Variants in ENTPD1 observed in about 807,000 individuals in gnomAD.
The protein encoded by ENTPD1 is ectonucleoside triphosphate diphosphohydrolase 1, also known as ATP diphosphohydrolase.
A neutral mutation model predicts 57.0 loss-of-function variants in ENTPD1; 33 were observed. That is an observed-to-expected ratio of 0.58 (90% confidence interval 0.44 to 0.77). ENTPD1 has a LOEUF of 0.77. Among genes scored for constraint, ENTPD1 ranks in the 30% least tolerant of loss-of-function variants. The pLI, the probability that ENTPD1 is intolerant of heterozygous loss-of-function variation, is 0.00. For missense variants in ENTPD1, 501 were observed against 603.4 expected (o/e 0.83, Z 1.78); for synonymous variants, 202 against 218.8 (o/e 0.92, Z 0.68).
chr10:95,765,215 T>G (rs1464298567), intron 1 of ENTPD1, among the ~76,000 whole-genome samples: 1 of 152,224 alleles, frequency 6.6e-6, no homozygotes, highest in East Asian at 1.9e-4. Flanking sequence ...AATCTATAGT[T>G]TCTTTGGTTC....
upstream of ENTPD1, chr10:95,753,647 G>A (rs1287775348): frequency 2.0e-5 from 3 of 152,144 alleles, no homozygotes; most frequent in Admixed American, 2.0e-4. Flanking sequence ...ACCTTTTGTC[G>A]ACAACGTCTG....
chr10:95,752,822 C>T (rs1394243040), upstream of ENTPD1, among the ~76,000 whole-genome samples: 1 of 152,142 alleles, frequency 6.6e-6, no homozygotes, highest in Non-Finnish European at 1.5e-5. Flanking sequence ...TGAGCCAATG[C>T]ACCTGGCCCA....
chr10:95,780,331 T>C (rs1162123204), intron 1 of ENTPD1, among the ~76,000 whole-genome samples: 2 of 152,124 alleles, frequency 1.3e-5, no homozygotes, highest in African/African-American at 2.4e-5. Context: ...TAAATATGAA[T>C]CTTATGTATA....
upstream of ENTPD1, among the ~76,000 whole-genome samples, chr10:95,752,653 G>A (rs768489971): frequency 5.3e-5 from 8 of 151,990 alleles, no homozygotes; most frequent in South Asian, 2.1e-4. Flanking sequence ...CAATAAGAGC[G>A]AAACTCTGTC....
At chr10:95,808,152 C>G (rs879249364) in intron 1 of ENTPD1, among the ~76,000 whole-genome samples, 1 of 152,044 alleles carries the variant, frequency 6.6e-6, no homozygotes, top group African/African-American at 2.4e-5. Context: ...TATAGAAATC[C>G]TTTTCTGTGT....
intron 1 of ENTPD1, among the ~76,000 whole-genome samples, chr10:95,781,528 C>T (rs2098158140): frequency 6.6e-6 from 1 of 151,998 alleles, no homozygotes; most frequent in Admixed American, 6.6e-5. Flanking sequence ...CATTGCATGC[C>T]TGTAACAAAA....
chr10:95,812,015 A>C (rs1249760889), intron 1 of ENTPD1, among the ~76,000 whole-genome samples: 1 of 152,204 alleles, frequency 6.6e-6, no homozygotes, highest in East Asian at 1.9e-4. Flanking sequence ...TCCCCATCAA[A>C]GAGGTTCTAC....
At chr10:95,742,673 T>C (rs200731778) in intron 1 of ENTPD1, among the ~76,000 whole-genome samples, 2 of 152,214 alleles carry the variant, frequency 1.3e-5, no homozygotes, top group East Asian at 3.8e-4. Context: ...GAGTTAACTT[T>C]GCTTTGCTGG....
At chr10:95,828,859 C>T (rs1048299477) in intron 2 of ENTPD1, among the ~76,000 whole-genome samples, 3 of 152,010 alleles carry the variant, frequency 2.0e-5, no homozygotes, top group African/African-American at 4.8e-5. Context: ...TATAGGCACA[C>T]GCCACCACAC....
At chr10:95,814,704 T>A (rs2098323823) in intron 1 of ENTPD1, among the ~76,000 whole-genome samples, 1 of 152,186 alleles carries the variant, frequency 6.6e-6, no homozygotes, top group Non-Finnish European at 1.5e-5. Flanking sequence ...GAACCGAGAA[T>A]AATTGGCTAA....
chr10:95,848,054 C>A (rs1227815238), intron 7 of ENTPD1, among the ~76,000 whole-genome samples: 7 of 152,146 alleles, frequency 4.6e-5, no homozygotes, highest in Non-Finnish European at 5.9e-5. Context: ...AAGAGGTTAG[C>A]CCCAGCAGTG....
At chr10:95,714,658 A>G (rs2097969505) in intron 1 of ENTPD1, among the ~76,000 whole-genome samples, 1 of 152,256 alleles carries the variant, frequency 6.6e-6, no homozygotes, top group Non-Finnish European at 1.5e-5. Flanking sequence ...AAATAAGTTT[A>G]CAACCTCTTA....
At chr10:95,798,673 G>A (rs1201482544) in intron 1 of ENTPD1, among the ~76,000 whole-genome samples, 1 of 152,142 alleles carries the variant, frequency 6.6e-6, no homozygotes, top group African/African-American at 2.4e-5. Context: ...GTTCCCCAGA[G>A]TCTTTGGGTT....
chr10:95,859,303 A>G (rs543366484), intron 7 of ENTPD1, among the ~76,000 whole-genome samples: 1 of 152,256 alleles, frequency 6.6e-6, no homozygotes, highest in East Asian at 1.9e-4. Context: ...GATCTCTGCT[A>G]CCTCCTGTTT....
chr10:95,812,205 A>G (rs916110362), intron 1 of ENTPD1, among the ~76,000 whole-genome samples: 1 of 152,226 alleles, frequency 6.6e-6, no homozygotes, highest in Non-Finnish European at 1.5e-5. Flanking sequence ...GAATATTTCT[A>G]TTATTTCCAA....
rs998494796 is a variant in ENTPD1, at chr10:95,872,281, T to C, written c.*5898T>C. The C allele has an allele frequency of 2.0e-6, 2 of 985,248 alleles. No individual in the cohort carries two copies. Among genetic ancestry groups the C allele is most frequent in the African/African-American group, 1.7e-5 (1 of 57,214 alleles). 61.0% of individuals were successfully genotyped at this position (985,248 alleles called of 1,614,324 possible). A position where few individuals can be genotyped will look rare whatever the true frequency, so the allele number is the denominator to read the frequency against. ...GCTTTCCATTGCCTACAAAATAAAG[T>C]CAACCTCCCCATCAGACATTCAAGG... On this transcript the variant is annotated 3_prime_UTR_variant, in exon 10 of 10. Transcript: ENST00000371205.
At chr10:95,840,688 A>T (rs116476488) in intron 3 of ENTPD1, among the ~76,000 whole-genome samples, 5,687 of 152,106 alleles carry the variant, frequency 0.037, 132 homozygotes, top group Non-Finnish European at 0.049. Flanking sequence ...TATATCAATA[A>T]TTTTTTTCTT....
chr10:95,869,954 G>A lies in ENTPD1; in HGVS notation c.*3571G>A. The A allele has an allele frequency of 2.0e-6, 2 of 985,394 alleles. No individual in the cohort carries two copies. The highest frequency in any genetic ancestry group is 9.4e-5 in the South Asian group (2 of 21,282). 61.0% of individuals were successfully genotyped at this position (985,394 alleles called of 1,614,324 possible). ...GTAGCTACCATACTGGACAGCACAT[G>A]TCCAAAAAAATACACGTAAAGTTAA... On this transcript the variant is annotated 3_prime_UTR_variant, in exon 10 of 10. Coordinates refer to ENST00000371205, the MANE Select transcript of ENTPD1 (RefSeq NM_001776.6).
chr10:95,808,974 C>T (rs560276605), intron 1 of ENTPD1, among the ~76,000 whole-genome samples: 11 of 152,230 alleles, frequency 7.2e-5, no homozygotes, highest in African/African-American at 2.4e-4. Flanking sequence ...GCACATCTTG[C>T]ACCACCCTTA....
Sources: gnomAD v4.1 joint callset for allele counts (sites outside exome capture counted in the v4.1 genomes callset) on GRCh38, gnomAD v4.1.1 for gene constraint, MANE v1.5 for transcripts, NCBI Gene and HGNC (gene_info 2026-07-23, HGNC 2026-07-21) for gene names.